Variants in PPM1H observed in about 807,000 individuals in gnomAD.
PPM1H encodes protein phosphatase 1H.
Under a neutral mutation model 54.9 loss-of-function variants are expected in PPM1H, and 27 were observed. That is an observed-to-expected ratio of 0.49 (90% CI 0.36 to 0.68). The LOEUF (loss-of-function observed/expected upper bound fraction) is 0.68. Ranked by LOEUF, PPM1H falls within the 30% of genes least tolerant of loss-of-function variation. The probability of loss-of-function intolerance (pLI) is 0.00; values close to 1 mark genes in which losing one functional copy is unlikely to be tolerated. For synonymous variants in PPM1H, 305 were observed against 270.8 expected (o/e 1.13, Z -1.24); for missense variants, 596 against 667.8 (o/e 0.89, Z 1.19).
At position 62,844,353 on chromosome 12, in the gene PPM1H, A is replaced by C. The variant is rs1313853823; in HGVS notation, c.246-12074T>G. 1.3e-5 allele frequency among the ~76,000 whole-genome samples: 2 copies of C among 152,174 alleles called. No individual in the cohort carries two copies. Among genetic ancestry groups the C allele is most frequent in the Non-Finnish European group, 2.9e-5 (2 of 68,026 alleles). ...GATTGCTTTAGCATTCCTGAGGAGA[A>C]ATAATGTTCTGAGGGGCAAGGGGGG... On this transcript the variant is annotated intron_variant, in intron 1 of 9. Coordinates refer to ENST00000228705, the MANE Select transcript of PPM1H (RefSeq NM_020700.2). The surrounding 1 kb of genome is among the most constrained non-coding windows in gnomAD (Gnocchi z 5.2).
intron 1 of PPM1H, among the ~76,000 whole-genome samples, chr12:62,916,124 T>G (rs2121152629): frequency 6.6e-6 from 1 of 152,326 alleles, no homozygotes; most frequent in South Asian, 2.1e-4. Context: ...TGCTAACTTG[T>G]GAGCCCCTTG....
intron 1 of PPM1H, among the ~76,000 whole-genome samples, chr12:62,883,893 A>G (rs1401242730): frequency 6.9e-6 from 1 of 144,652 alleles, no homozygotes; most frequent in Non-Finnish European, 1.5e-5. Context: ...TTAGAAGAAG[A>G]AAAAAGACAA....
chr12:62,879,727 G>C (rs1432739169), intron 1 of PPM1H, among the ~76,000 whole-genome samples: 1 of 151,854 alleles, frequency 6.6e-6, no homozygotes, highest in East Asian at 1.9e-4. Flanking sequence ...AAACTTGCAG[G>C]TTGTGCACAT....
At chr12:62,667,045 C>T in intron 9 of PPM1H, 133 bp downstream of exon 9, 1 of 1,000,432 alleles carries the variant, frequency 1.0e-6, no homozygotes, top group Non-Finnish European at 1.4e-6. Flanking sequence ...GTAATCCCTT[C>T]TGCAGTTTGG....
intron 7 of PPM1H, among the ~76,000 whole-genome samples, chr12:62,691,995 G>C (rs2076085798): frequency 6.6e-6 from 1 of 152,148 alleles, no homozygotes; most frequent in Non-Finnish European, 1.5e-5. Flanking sequence ...TCCAGCCAAA[G>C]AAATCTGATG....
chr12:62,909,015 C>T (rs1010900598), intron 1 of PPM1H, among the ~76,000 whole-genome samples: 2 of 152,022 alleles, frequency 1.3e-5, no homozygotes, highest in Non-Finnish European at 2.9e-5. Flanking sequence ...CAGTCCCCCA[C>T]CCCACCCTAT....
intron 1 of PPM1H, among the ~76,000 whole-genome samples, chr12:62,927,357 C>T (rs1872000880): frequency 6.6e-6 from 1 of 152,166 alleles, no homozygotes. Flanking sequence ...AGGCAGTCGA[C>T]ATATAAGAAT....
chr12:62,754,112 A>G (rs562912708), intron 4 of PPM1H, among the ~76,000 whole-genome samples: 2 of 152,386 alleles, frequency 1.3e-5, no homozygotes, highest in African/African-American at 4.8e-5. Flanking sequence ...AAAGTCCTCA[A>G]AAATGAGGCT....
chr12:62,813,345 G>C (rs201987833), intron 2 of PPM1H, among the ~76,000 whole-genome samples: 2 of 134,938 alleles, frequency 1.5e-5, no homozygotes, highest in East Asian at 4.2e-4. Context: ...GAATGTGAGG[G>C]GGAATTGGTC....
At position 62,762,876 on chromosome 12, in the gene PPM1H, G is replaced by A. The variant is rs542642523; in HGVS notation, c.870-25290C>T. On this transcript the variant is annotated intron_variant, in intron 4 of 9. Coordinates refer to ENST00000228705, the MANE Select transcript of PPM1H (RefSeq NM_020700.2). ...AATAAAGAACACCTCATTGATGACC[G>A]AGAAGGGAGAGGCTGGCAGGGAAAC... is the stretch of plus-strand genomic sequence containing the variant. 3.3e-5 allele frequency among the ~76,000 whole-genome samples: 5 copies of A among 152,342 alleles called. No individual in the cohort carries two copies. In the South Asian group the frequency reaches 8.3e-4, roughly 25 times the overall value.
intron 9 of PPM1H, among the ~76,000 whole-genome samples, chr12:62,655,666 A>G (rs1459384060): frequency 6.6e-6 from 1 of 152,188 alleles, no homozygotes; most frequent in Non-Finnish European, 1.5e-5. Flanking sequence ...GAGACAGCCA[A>G]TGGGTAGTGG....
intron 5 of PPM1H, among the ~76,000 whole-genome samples, chr12:62,727,420 A>G (rs1414111714): frequency 6.6e-6 from 1 of 152,108 alleles, no homozygotes; most frequent in African/African-American, 2.4e-5. Context: ...TTGTATAAAA[A>G]CCATCTTGGA....
chr12:62,875,733 G>A (rs1870145430), intron 1 of PPM1H, among the ~76,000 whole-genome samples: 1 of 152,116 alleles, frequency 6.6e-6, no homozygotes, highest in Non-Finnish European at 1.5e-5. Context: ...AAAGAGCACT[G>A]GGCTGGTTCA....
rs533619164 is a variant in PPM1H at position 62,896,084 on chromosome 12, T to G, written c.245+38408A>C. On this transcript the variant is annotated intron_variant, in intron 1 of 9. Coordinates refer to ENST00000228705, the MANE Select transcript of PPM1H (RefSeq NM_020700.2). ...GCTACATTTGGTAACAAAATGTCTA[T>G]TCCCTTTGTGTTTCACAAACTAGCT... Among the ~76,000 whole-genome samples the G allele has an allele frequency of 2.6e-5, 4 of 152,320 alleles. No homozygotes were observed. The East Asian group carries it at 7.7e-4, about 29-fold the overall frequency.
At chr12:62,651,056 C>A (rs1247246732) in intron 9 of PPM1H, among the ~76,000 whole-genome samples, 1 of 152,160 alleles carries the variant, frequency 6.6e-6, no homozygotes, top group Non-Finnish European at 1.5e-5. Context: ...GGTTCAGAAA[C>A]CTGGCTAAGT....
chr12:62,746,190 G>T (rs910059182), intron 4 of PPM1H, among the ~76,000 whole-genome samples: 3 of 151,874 alleles, frequency 2.0e-5, no homozygotes, highest in Non-Finnish European at 2.9e-5. Context: ...GCAAGATCCT[G>T]TCTCAAAAAA....
At chr12:62,817,472 A>G (rs1207200578) in intron 2 of PPM1H, among the ~76,000 whole-genome samples, 2 of 131,496 alleles carry the variant, frequency 1.5e-5, no homozygotes, top group African/African-American at 5.2e-5. Flanking sequence ...AAAAAAAAAC[A>G]AACAAACAAA....
At chr12:62,790,820 C>T (rs1045550437) in intron 3 of PPM1H, among the ~76,000 whole-genome samples, 2 of 152,188 alleles carry the variant, frequency 1.3e-5, no homozygotes, top group African/African-American at 4.8e-5. Context: ...ATGGGGCAAA[C>T]TTCAAAGGAC....
intron 4 of PPM1H, among the ~76,000 whole-genome samples, chr12:62,748,058 A>G (rs2076422270): frequency 6.6e-6 from 1 of 152,158 alleles, no homozygotes; most frequent in South Asian, 2.1e-4. Flanking sequence ...CAGGAGTCCA[A>G]TTTCTATGGA....
Sources: gnomAD v4.1 joint callset for allele counts (sites outside exome capture counted in the v4.1 genomes callset) on GRCh38, gnomAD v4.1.1 for gene constraint, Gnocchi (gnomAD v3.1) non-coding constraint, MANE v1.5 for transcripts, NCBI Gene and HGNC (gene_info 2026-07-23, HGNC 2026-07-21) for gene names.